RPLP0: variants seen among roughly 807,000 people sequenced by gnomAD.
RPLP0 encodes the protein large ribosomal subunit protein uL10.
For synonymous variants in RPLP0, 137 were observed against 153.4 expected (o/e 0.89, Z 0.79); for missense variants, 276 against 402.9 (o/e 0.69, Z 2.70).
rs930568654 is a variant in RPLP0 at position 120,200,257 on chromosome 12, G to C, written c.54+473C>G. The C allele has an allele frequency of 2.4e-5, 9 of 372,734 alleles. No individual in the cohort carries two copies. The East Asian group carries it at 6.7e-4, about 28-fold the overall frequency. The allele number at this position is 372,734 out of a possible 1,614,324, so 23.1% of individuals were successfully genotyped here. A position where few individuals can be genotyped will look rare whatever the true frequency, so the allele number is the denominator to read the frequency against. On this transcript the variant is annotated intron_variant, in intron 2 of 7. Coordinates refer to ENST00000392514, the MANE Select transcript of RPLP0 (RefSeq NM_001002.4). ...AGGAAGGTGGATCATGAAGTCAAGA[G>C]ATCGAGACCATCCTGGCCAACATGG...
rs187195275 is a variant in RPLP0, at chr12:120,198,736, C to T, written c.469G>A (p.Asp157Asn). 3 of 1,613,892 alleles carry T rather than the reference C, an allele frequency of 1.9e-6. No homozygotes were observed. The highest frequency in any genetic ancestry group is 2.5e-6 in the Non-Finnish European group (3 of 1,179,740). ...ISRGTIEILS[D>N]VQLIKTGDKV... ...TCTCCAGTCTTGATCAGCTGCACAT[C>T]ACTCTGAACCAGATAATAGTGGGGC... Residue 157 changes from aspartate to asparagine, a missense_variant, in exon 6 of 8, where the codon GAT (aspartate) becomes AAT (asparagine). Transcript: ENST00000392514. This position sits in a 1 kb window ranked among gnomAD's most constrained non-coding sequence, Gnocchi z 4.1.
At chr12:120,197,630 C>T in intron 6 of RPLP0, 168 bp from the exon 7 acceptor site, 1 of 735,924 alleles carries the variant, frequency 1.4e-6, no homozygotes, top group Non-Finnish European at 2.2e-6. Flanking sequence ...AGCAATTCAG[C>T]CCCATCAAAT....
rs753374361 is a variant in RPLP0 at position 120,198,564 on chromosome 12, C to T, written c.641G>A (p.Arg214His). The T allele has an allele frequency of 1.7e-5, 28 of 1,613,942 alleles. No individual in the cohort carries two copies. Among genetic ancestry groups the T allele is most frequent in the African/African-American group, 1.1e-4 (8 of 74,882 alleles). The part of the protein sequence containing the change: ...LDITEETLHS[R>H]FLEGVRNVAS... ...GCTGACAGCATATACCTCCAGGAAG[C>T]GAGAATGCAGAGTTTCCTCTGTGAT... is the stretch of plus-strand genomic sequence containing the variant. Residue 214 changes from arginine to histidine, a missense_variant, in exon 6 of 8, where the codon CGC (arginine) becomes CAC (histidine). By Grantham distance (29) the Arg-to-His change is conservative (BLOSUM62 0). Transcript: ENST00000392514. This position sits in a 1 kb window ranked among gnomAD's most constrained non-coding sequence, Gnocchi z 4.1.
At chr12:120,197,257 A>C (rs941306047) in intron 7 of RPLP0, 65 bp downstream of exon 7, 3 of 1,420,098 alleles carry the variant, frequency 2.1e-6, no homozygotes, top group Non-Finnish European at 3.0e-6. Context: ...GTAAGGTAGA[A>C]GGCCACATCA....
At chr12:120,197,498 C>G in intron 6 of RPLP0, 36 bp from the exon 7 acceptor site, 1 of 1,597,490 alleles carries the variant, frequency 6.3e-7, no homozygotes, top group Non-Finnish European at 8.6e-7. Context: ...CGTGAGATTC[C>G]CTACAGGAAA....
rs377500271 is a variant in RPLP0, at chr12:120,198,763, G to A, written c.466-24C>T. 4.5e-5 allele frequency: 72 copies of A among 1,611,992 alleles called. No homozygotes were observed. The East Asian group carries it at 1.6e-3, about 35-fold the overall frequency. ...CTCTGAACCAGATAATAGTGGGGCAGTAAACACCTGTTGGACAACCAGCAG... is the reference window on the plus strand; with the variant it reads ...CTCTGAACCAGATAATAGTGGGGCAATAAACACCTGTTGGACAACCAGCAG... On this transcript the variant is annotated intron_variant, in intron 5 of 7. Coordinates refer to ENST00000392514, the MANE Select transcript of RPLP0 (RefSeq NM_001002.4). This position sits in a 1 kb window ranked among gnomAD's most constrained non-coding sequence, Gnocchi z 4.1.
chr12:120,200,715 C>A lies in RPLP0; in HGVS notation c.54+15G>T, dbSNP rs191903910. 30 of 1,607,728 alleles carry A rather than the reference C, an allele frequency of 1.9e-5. No individual in the cohort carries two copies. In the Admixed American group the frequency reaches 2.2e-4, roughly 12 times the overall value. ...GGGCAACATGAAGAGCAGAGGCGAC[C>A]CACCCTGCACTTACGATGATCTTAA... On this transcript the variant is annotated intron_variant, in intron 2 of 7. Transcript: ENST00000392514.
At position 120,199,221 on chromosome 12, in the gene RPLP0, T is replaced by C; in HGVS notation, c.231-16A>G. The C allele has an allele frequency of 6.2e-7, 1 of 1,613,678 alleles. No homozygotes were observed. The highest frequency in any genetic ancestry group is 8.5e-7 in the Non-Finnish European group (1 of 1,179,606). ...AGGCAGCAGTCTGCAAAGAGAAGTTTATGGGAGACAATCACCTTTCAGCAC... is the reference window on the plus strand; with the variant it reads ...AGGCAGCAGTCTGCAAAGAGAAGTTCATGGGAGACAATCACCTTTCAGCAC... On this transcript the variant is annotated splice_polypyrimidine_tract_variant and intron_variant, in intron 3 of 7. Coordinates refer to ENST00000392514, the MANE Select transcript of RPLP0 (RefSeq NM_001002.4).
intron 6 of RPLP0, chr12:120,197,735 G>A (rs149316368): frequency 3.4e-5 from 14 of 415,780 alleles, no homozygotes; most frequent in East Asian, 1.2e-4. Context: ...AAGCATAAAC[G>A]ACTAACGTAG....
Position 120,198,844 on chromosome 12 carries a change from G to A in RPLP0, c.465+10C>T, listed in dbSNP as rs1172765034. ...TGCCTGGTTAGCACAGGCAAACCAGGTCCACTCACCAGGATTTCAATGGTG... is the reference window on the plus strand; with the variant it reads ...TGCCTGGTTAGCACAGGCAAACCAGATCCACTCACCAGGATTTCAATGGTG... On this transcript the variant is annotated intron_variant, in intron 5 of 7. Coordinates refer to ENST00000392514, the MANE Select transcript of RPLP0 (RefSeq NM_001002.4). The surrounding 1 kb of genome is among the most constrained non-coding windows in gnomAD (Gnocchi z 4.1). 2 of 1,613,898 alleles carry A rather than the reference G, an allele frequency of 1.2e-6. No homozygotes were observed. The highest frequency in any genetic ancestry group is 1.3e-5 in the African/African-American group (1 of 74,906).
Position 120,198,421 on chromosome 12 carries a change from T to C in RPLP0, c.651+133A>G, listed in dbSNP as rs942305739. The C allele has an allele frequency of 3.2e-6, 3 of 945,318 alleles. No individual in the cohort carries two copies. Among genetic ancestry groups the C allele is most frequent in the South Asian group, 3.3e-5 (2 of 61,330 alleles). The allele number at this position is 945,318 out of a possible 1,614,324, so 58.6% of individuals were successfully genotyped here. A position where few individuals can be genotyped will look rare whatever the true frequency, so the allele number is the denominator to read the frequency against. On this transcript the variant is annotated intron_variant, in intron 6 of 7. Coordinates refer to ENST00000392514, the MANE Select transcript of RPLP0 (RefSeq NM_001002.4). The surrounding 1 kb of genome is among the most constrained non-coding windows in gnomAD (Gnocchi z 4.1). ...AAAAAAAAATCCTTCAACAATCTTA[T>C]GTTGTTACTGACATTTTACAGATGA...
chr12:120,198,363 G>A lies in RPLP0; in HGVS notation c.651+191C>T, dbSNP rs1365866989. ...ATTGTGCCACTGCACTCCAGCCTGGGCGACACAGCAAGACTCTGTCTCCAA... is the reference window on the plus strand; with the variant it reads ...ATTGTGCCACTGCACTCCAGCCTGGACGACACAGCAAGACTCTGTCTCCAA... On this transcript the variant is annotated intron_variant, in intron 6 of 7. Coordinates refer to ENST00000392514, the MANE Select transcript of RPLP0 (RefSeq NM_001002.4). The surrounding 1 kb of genome is among the most constrained non-coding windows in gnomAD (Gnocchi z 4.1). 4.1e-5 allele frequency: 25 copies of A among 611,064 alleles called. No individual in the cohort carries two copies. The East Asian group carries it at 6.3e-4, about 15-fold the overall frequency. 37.9% of individuals were successfully genotyped at this position (611,064 alleles called of 1,614,324 possible). A position where few individuals can be genotyped will look rare whatever the true frequency, so the allele number is the denominator to read the frequency against.
rs1879287663 is a variant in RPLP0, at chr12:120,198,797, C to A, written c.465+57G>T. 1 of 1,610,384 alleles carries A rather than the reference C, an allele frequency of 6.2e-7. No individual in the cohort carries two copies. The highest frequency in any genetic ancestry group is 8.5e-7 in the Non-Finnish European group (1 of 1,176,616). On this transcript the variant is annotated intron_variant, in intron 5 of 7. Transcript: ENST00000392514. This position sits in a 1 kb window ranked among gnomAD's most constrained non-coding sequence, Gnocchi z 4.1. ...TGTTGGACAACCAGCAGATCCATGG[C>A]CACTAAAAGCAGCTCCCCATTTGCC...
chr12:120,197,669 C>A, intron 6 of RPLP0: 1 of 582,914 alleles, frequency 1.7e-6, no homozygotes, highest in Non-Finnish European at 3.0e-6. Context: ...AAATCCAGGT[C>A]TTCTGTATCC....
rs762328451 is a variant in RPLP0, at chr12:120,198,965, T to G, written c.354A>C (p.Pro118=). The G allele has an allele frequency of 1.2e-6, 2 of 1,614,042 alleles. No individual in the cohort carries two copies. ...PAAARAGAIA[P]CEVTVPAQNT... The stretch of plus-strand genomic sequence containing the variant: ...TCTGGGCTGGCACAGTGACTTCACA[T>G]GGGGCAATGGCACCAGCACGGGCAG... Residue 118 remains proline (P), a synonymous_variant, in exon 5 of 8, where the codon CCA becomes CCC. Coordinates refer to ENST00000392514, the MANE Select transcript of RPLP0 (RefSeq NM_001002.4). This position sits in a 1 kb window ranked among gnomAD's most constrained non-coding sequence, Gnocchi z 4.1.
At chr12:120,197,555 A>T in intron 6 of RPLP0, 93 bp from the exon 7 acceptor site, 1 of 1,466,572 alleles carries the variant, frequency 6.8e-7, no homozygotes, top group South Asian at 1.2e-5. Context: ...GCAGACAATA[A>T]TTGCCAGGTT....
chr12:120,200,563 C>T, intron 2 of RPLP0, 167 bp downstream of exon 2: 1 of 685,220 alleles, frequency 1.5e-6, no homozygotes, highest in Non-Finnish European at 2.4e-6. Flanking sequence ...GCCCGTTTAT[C>T]TGCAACAGAA....
At chr12:120,199,588 C>A in intron 2 of RPLP0, 103 bp from the exon 3 acceptor site, 2 of 1,232,634 alleles carry the variant, frequency 1.6e-6, no homozygotes, top group Non-Finnish European at 1.1e-6. Context: ...CACTCCCTTT[C>A]TTCTAAGCTT....
rs1218132383 is a variant in RPLP0 at position 120,198,936 on chromosome 12, G to A, written c.383C>T (p.Thr128Ile). The change falls in exon 5 of 8, where the codon ACT becomes ATT. Residue 128 changes from threonine (T) to isoleucine (I), a missense_variant. Coordinates refer to ENST00000392514, the MANE Select transcript of RPLP0 (RefSeq NM_001002.4). This position sits in a 1 kb window ranked among gnomAD's most constrained non-coding sequence, Gnocchi z 4.1. Reference sequence around the variant, plus strand: ...GGAGGTCTTCTCGGGCCCGAGACCAGTGTTCTGGGCTGGCACAGTGACTTC... The same window carrying A: ...GGAGGTCTTCTCGGGCCCGAGACCAATGTTCTGGGCTGGCACAGTGACTTC... ...PCEVTVPAQNTGLGPEKTSFF... is the reference protein window; with the variant it reads ...PCEVTVPAQNIGLGPEKTSFF... 1 of 1,612,876 alleles carries A rather than the reference G, an allele frequency of 6.2e-7. No homozygotes were observed. The highest frequency in any genetic ancestry group is 1.7e-5 in the Admixed American group (1 of 59,996).
Sources: allele counts gnomAD v4.1 joint callset, GRCh38; gene constraint gnomAD v4.1.1; non-coding constraint Gnocchi (gnomAD v3.1); transcripts MANE v1.5; gene names NCBI Gene and HGNC (gene_info 2026-07-23, HGNC 2026-07-21).